Variants in GLB1 observed in about 807,000 individuals in gnomAD.
GLB1 encodes galactosidase beta 1.
GLB1 carries 56 observed loss-of-function variants against 74.0 expected under a neutral mutation model. The ratio of observed to expected loss-of-function variants is 0.76; its 90% CI spans 0.61 to 0.94. The LOEUF (loss-of-function observed/expected upper bound fraction) is 0.94. GLB1 is among the 40% of genes least tolerant of loss of function. The pLI is 0.00. For synonymous variants in GLB1, 323 were observed against 323.6 expected (o/e 1.00, Z 0.02); for missense variants, 787 against 845.5 (o/e 0.93, Z 0.86).
Position 33,076,970 on chromosome 3 carries a change from T to A in GLB1, c.76-4257A>T, listed in dbSNP as rs1700131670. ...CGGACACAATGGCTCATGCCTGTAA[T>A]CCCAGCAATTTGGGAGGCCAAGGCA... On this transcript the variant is annotated intron_variant, in intron 1 of 15. Coordinates refer to ENST00000307363, the MANE Select transcript of GLB1 (RefSeq NM_000404.4). 11 of 970,306 alleles carry A rather than the reference T, an allele frequency of 1.1e-5. No individual in the cohort carries two copies. In the South Asian group the frequency reaches 1.5e-4, roughly 14 times the overall value. The allele number at this position is 970,306 out of a possible 1,614,324, so 60.1% of individuals were successfully genotyped here.
Position 32,996,622 on chromosome 3 carries a change from T to C in GLB1, c.*423A>G, listed in dbSNP as rs79603348. On this transcript the variant is annotated 3_prime_UTR_variant, in exon 16 of 16. Coordinates refer to ENST00000307363, the MANE Select transcript of GLB1 (RefSeq NM_000404.4). ...CAAACCAAGACTATTTTCCATCCTTTTGAACTTCAAGTTAGTGAAGTGGTT... is the reference window on the plus strand; with the variant it reads ...CAAACCAAGACTATTTTCCATCCTTCTGAACTTCAAGTTAGTGAAGTGGTT... The C allele has an allele frequency of 8.9e-4, 226 of 254,086 alleles. 1 individual carries two copies. Among genetic ancestry groups the C allele is most frequent in the African/African-American group, 4.8e-3 (217 of 44,836 alleles). The allele number at this position is 254,086 out of a possible 1,614,324, so 15.7% of individuals were successfully genotyped here. A position where few individuals can be genotyped will look rare whatever the true frequency, so the allele number is the denominator to read the frequency against.
At chr3:32,972,533 TCTC>T in the GLB1 span, among the ~76,000 whole-genome samples, 1 of 152,270 alleles carries the variant, frequency 6.6e-6, no homozygotes, top group South Asian at 2.1e-4. Context: ...ATTCTTGTCA[TCTC>T]CTTCATCCTC....
At chr3:32,964,328 C>T in the GLB1 span, among the ~76,000 whole-genome samples, 1 of 152,108 alleles carries the variant, frequency 6.6e-6, no homozygotes, top group Non-Finnish European at 1.5e-5. Flanking sequence ...TAGTTGGGCT[C>T]CTCTTCATGG....
rs750334331 is a variant in GLB1, at chr3:33,093,294, T to C, written c.75+3717A>G. On this transcript the variant is annotated intron_variant, in intron 1 of 15. Coordinates refer to ENST00000307363, the MANE Select transcript of GLB1 (RefSeq NM_000404.4). This position sits in a 1 kb window ranked among gnomAD's most constrained non-coding sequence, Gnocchi z 6.0. The stretch of plus-strand genomic sequence containing the variant: ...GGCGGAAATCTTCACGTTCTCATTA[T>C]GAAGAGGCTGGACATGCAGGGATTC... 1.2e-6 allele frequency: 2 copies of C among 1,614,194 alleles called. No individual in the cohort carries two copies. The highest frequency in any genetic ancestry group is 1.1e-5 in the South Asian group (1 of 91,082).
the GLB1 span, among the ~76,000 whole-genome samples, chr3:32,961,296 C>T: frequency 6.6e-6 from 1 of 152,184 alleles, no homozygotes; most frequent in Non-Finnish European, 1.5e-5. Context: ...GGATGGTCTG[C>T]CCAAAGCAGC....
chr3:33,022,563 G>GGTTTTTTTTTTTTTTT (rs1380045437), intron 11 of GLB1, among the ~76,000 whole-genome samples: 3 of 15,318 alleles, frequency 2.0e-4, no homozygotes, highest in Non-Finnish European at 3.0e-4. Flanking sequence ...TACTGGTTAG[G>GGTTTTTTTTTTTTTTT]ATTTTTTTTT....
rs546123905 is a variant in GLB1, at chr3:33,073,965, A to AGTG, written c.76-1255_76-1253dup. Among the ~76,000 whole-genome samples the AGTG allele has an allele frequency of 2.5e-4, 38 of 150,288 alleles. No individual in the cohort carries two copies. In the South Asian group the frequency reaches 8.0e-3, roughly 32 times the overall value. On this transcript the variant is annotated intron_variant, in intron 1 of 15. Transcript: ENST00000307363. ...CTTGAGCCCAGAAGGTTGAGAGTGC[A>AGTG]GTGAACCGTGTTCATGCCACTGCAC...
intron 13 of GLB1, 151 bp downstream of exon 13, chr3:33,018,297 A>G: frequency 6.7e-5 from 3 of 44,550 alleles, no homozygotes; most frequent in South Asian, 9.9e-4. Flanking sequence ...AAAAAAAAAA[A>G]AAAAAAAAAA....
At chr3:32,996,262 A>C (rs1696308518), downstream of GLB1, among the ~76,000 whole-genome samples, 1 of 152,230 alleles carries the variant, frequency 6.6e-6, no homozygotes. Flanking sequence ...ATCTGTGCAC[A>C]TACACAGCAC....
chr3:33,049,693 G>C (rs994556407), intron 9 of GLB1, among the ~76,000 whole-genome samples: 1 of 152,158 alleles, frequency 6.6e-6, no homozygotes, highest in Non-Finnish European at 1.5e-5. Flanking sequence ...CGGGATTACA[G>C]GCGTGAGCCA....
At position 33,003,892 on chromosome 3, in the gene GLB1, T is replaced by C. The variant is rs537779908; in HGVS notation, c.1735-6548A>G. On this transcript the variant is annotated intron_variant, in intron 15 of 15. Coordinates refer to ENST00000307363, the MANE Select transcript of GLB1 (RefSeq NM_000404.4). The stretch of plus-strand genomic sequence containing the variant: ...TAAAAATACAAAAATCAGCCAGGTA[T>C]GGTGGTGTGCACCTGTAATCCCAGC... 4.6e-5 allele frequency among the ~76,000 whole-genome samples: 7 copies of C among 152,278 alleles called. No individual in the cohort carries two copies. The South Asian group carries it at 1.5e-3, about 32-fold the overall frequency.
chr3:32,961,313 C>T, the GLB1 span, among the ~76,000 whole-genome samples: 3 of 152,222 alleles, frequency 2.0e-5, no homozygotes, highest in Non-Finnish European at 4.4e-5. Flanking sequence ...CAGCTGAGAT[C>T]AGGTGAAACC....
At chr3:33,094,803 G>A (rs529014586) in intron 1 of GLB1, among the ~76,000 whole-genome samples, 45 of 152,298 alleles carry the variant, frequency 3.0e-4, no homozygotes, top group Middle Eastern at 3.4e-3. Context: ...TTGCAGAAAT[G>A]TAAAACAGTG....
At position 33,046,123 on chromosome 3, in the gene GLB1, C is replaced by T; in HGVS notation, c.1065G>A (p.Gln355=). ...ACAGCTCATACAAAGCACCCACCTT[C>T]TGGATGATGTTTCGCAGAGCAAAAT... is the stretch of plus-strand genomic sequence containing the variant. The part of the protein sequence containing the change: ...EKYFALRNII[Q]KFEKVPEGPI... The change falls in exon 10 of 16, where the codon CAG becomes CAA. Residue 355 remains glutamine (Q), a synonymous_variant. Transcript: ENST00000307363. 6.2e-7 allele frequency: 1 copy of T among 1,612,786 alleles called. No individual in the cohort carries two copies. The highest frequency in any genetic ancestry group is 8.5e-7 in the Non-Finnish European group (1 of 1,179,828).
intron 5 of GLB1, among the ~76,000 whole-genome samples, chr3:33,063,383 G>A: frequency 6.6e-6 from 1 of 152,000 alleles, no homozygotes; most frequent in Admixed American, 6.6e-5. Flanking sequence ...TGTAAACAAG[G>A]GGCAAAAATG....
the GLB1 span, among the ~76,000 whole-genome samples, chr3:32,989,931 T>A: frequency 2.0e-5 from 3 of 152,180 alleles, no homozygotes; most frequent in African/African-American, 7.2e-5. Flanking sequence ...AAATAACACA[T>A]TAAAACCACT....
Position 33,093,901 on chromosome 3 carries a change from T to C in GLB1, c.75+3110A>G. On this transcript the variant is annotated intron_variant, in intron 1 of 15. Transcript: ENST00000307363. This position sits in a 1 kb window ranked among gnomAD's most constrained non-coding sequence, Gnocchi z 6.0. ...ACTAAAAAGAACATGGTAAAGAAACTGGAATGGGCCAGGGCCAGAAATGCC... is the reference window on the plus strand; with the variant it reads ...ACTAAAAAGAACATGGTAAAGAAACCGGAATGGGCCAGGGCCAGAAATGCC... 1 of 1,613,868 alleles carries C rather than the reference T, an allele frequency of 6.2e-7. No homozygotes were observed. Among genetic ancestry groups the C allele is most frequent in the African/African-American group, 1.3e-5 (1 of 75,010 alleles).
chr3:33,056,563 G>A (rs11706136), intron 6 of GLB1, among the ~76,000 whole-genome samples: 81,695 of 151,908 alleles, frequency 0.54, 26,021 homozygotes, highest in Middle Eastern at 0.71. Context: ...ACAGGCACTT[G>A]CCACCATGCC....
At chr3:33,056,214 C>G (rs553208539) in intron 6 of GLB1, among the ~76,000 whole-genome samples, 1 of 102,018 alleles carries the variant, frequency 9.8e-6, no homozygotes, top group African/African-American at 4.1e-5. Flanking sequence ...GCAACAAGAG[C>G]GAAACTCCAC....
Sources: gnomAD v4.1 joint callset for allele counts (sites outside exome capture counted in the v4.1 genomes callset) on GRCh38, gnomAD v4.1.1 for gene constraint, Gnocchi (gnomAD v3.1) non-coding constraint, MANE v1.5 for transcripts, NCBI Gene and HGNC (gene_info 2026-07-23, HGNC 2026-07-21) for gene names.